Variants in INPP4B observed in about 807,000 individuals in gnomAD.
The protein encoded by INPP4B is inositol polyphosphate-4-phosphatase type II B, also known as inositol polyphosphate 4-phosphatase type II.
A neutral mutation model predicts 122.5 loss-of-function variants in INPP4B; 55 were observed. That is an observed-to-expected ratio of 0.45 (90% confidence interval 0.36 to 0.56). The LOEUF (loss-of-function observed/expected upper bound fraction) is 0.56, where lower values mean the gene tolerates loss of function less well. Among genes scored for constraint, INPP4B ranks in the 20% least tolerant of loss-of-function variants. INPP4B has a pLI of 0.00. For missense variants in INPP4B, 1,000 were observed against 1,097.7 expected (o/e 0.91, Z 1.26); for synonymous variants, 403 against 388.7 (o/e 1.04, Z -0.43).
At chr4:142,256,804 G>C (rs1302292763) in intron 11 of INPP4B, among the ~76,000 whole-genome samples, 1 of 152,164 alleles carries the variant, frequency 6.6e-6, no homozygotes, top group East Asian at 1.9e-4. Context: ...CATTCCTTCT[G>C]AAACTGTTCC....
chr4:142,635,198 T>TAA lies in INPP4B; in HGVS notation c.-191+90639_-191+90640dup, dbSNP rs529308852. On this transcript the variant is annotated intron_variant, in intron 2 of 25. Transcript: ENST00000262992. The stretch of plus-strand genomic sequence containing the variant: ...GTCAGAATGGCTATTATTAAAAAGT[T>TAA]AAAAAAATAACAGATGCTGGAGAGG... Among the ~76,000 whole-genome samples the TAA allele has an allele frequency of 2.7e-3, 403 of 152,046 alleles. 5 individuals are homozygous for TAA. Among genetic ancestry groups the TAA allele is most frequent in the East Asian group, 0.018 (93 of 5,156 alleles).
chr4:142,548,470 C>G (rs1406863780), intron 2 of INPP4B, among the ~76,000 whole-genome samples: 1 of 152,122 alleles, frequency 6.6e-6, no homozygotes, highest in Non-Finnish European at 1.5e-5. Flanking sequence ...AATTCGAGTG[C>G]TCTTGTCGTA....
rs537692939 is a variant in INPP4B at position 142,157,199 on chromosome 4, A to G, written c.1563+3159T>C. Among the ~76,000 whole-genome samples, 91 of 152,180 alleles carry G rather than the reference A, an allele frequency of 6.0e-4. No individual in the cohort carries two copies. In the South Asian group the frequency reaches 0.019, roughly 31 times the overall value. ...TCTAAAGGCATCTTCAATTAGCTAC[A>G]TTTTCTTTAGTTTTACTCAATTTAT... is the stretch of plus-strand genomic sequence containing the variant. On this transcript the variant is annotated intron_variant, in intron 17 of 25. Transcript: ENST00000262992.
At chr4:142,510,144 T>A (rs1464216310) in intron 2 of INPP4B, among the ~76,000 whole-genome samples, 1 of 152,192 alleles carries the variant, frequency 6.6e-6, no homozygotes, top group African/African-American at 2.4e-5. Context: ...AGAATCTAAT[T>A]AGATGTTTAA....
At chr4:142,081,361 T>A (rs986271285) in intron 25 of INPP4B, among the ~76,000 whole-genome samples, 1 of 152,186 alleles carries the variant, frequency 6.6e-6, no homozygotes, top group Non-Finnish European at 1.5e-5. Flanking sequence ...ATGAAGCACT[T>A]TTTCCTTCCC....
intron 25 of INPP4B, among the ~76,000 whole-genome samples, chr4:142,043,244 A>C (rs1045971312): frequency 3.5e-4 from 54 of 152,194 alleles, no homozygotes; most frequent in African/African-American, 1.3e-3. Context: ...AAATGATGCA[A>C]ATCATAGGAA....
chr4:142,024,173 A>G lies in INPP4B; in HGVS notation c.*4609T>C, dbSNP rs536069546. 19 of 152,256 alleles carry G rather than the reference A, an allele frequency of 1.2e-4. No homozygotes were observed. The highest frequency in any genetic ancestry group is 1.1e-3 in the Admixed American group (17 of 15,288). 9.4% of individuals were successfully genotyped at this position (152,256 alleles called of 1,614,324 possible). On this transcript the variant is annotated 3_prime_UTR_variant, in exon 26 of 26. Coordinates refer to ENST00000262992, the MANE Select transcript of INPP4B (RefSeq NM_001101669.3). ...TCTAAAACATTCATTTTATTTTCCA[A>G]TTCTTAAAGATAGTTTTTGCTATAG... is the stretch of plus-strand genomic sequence containing the variant.
At chr4:142,069,324 T>C (rs1282539045) in intron 25 of INPP4B, among the ~76,000 whole-genome samples, 1 of 152,152 alleles carries the variant, frequency 6.6e-6, no homozygotes, top group Non-Finnish European at 1.5e-5. Context: ...CTGGGACACA[T>C]TTAAAGCAGT....
chr4:142,252,231 C>T (rs1378920772), intron 11 of INPP4B, among the ~76,000 whole-genome samples: 1 of 147,028 alleles, frequency 6.8e-6, no homozygotes, highest in Non-Finnish European at 1.5e-5. Flanking sequence ...CTCTGTCGCC[C>T]AGGCTGGAGT....
At chr4:142,128,658 A>T (rs919348825) in intron 18 of INPP4B, among the ~76,000 whole-genome samples, 1 of 152,088 alleles carries the variant, frequency 6.6e-6, no homozygotes, top group African/African-American at 2.4e-5. Flanking sequence ...GCTTTTCCTG[A>T]GCTTTGTGAA....
chr4:142,049,488 G>A (rs911780115), intron 25 of INPP4B, among the ~76,000 whole-genome samples: 10 of 151,960 alleles, frequency 6.6e-5, no homozygotes, highest in Non-Finnish European at 1.2e-4. Context: ...GACTCAAGCT[G>A]AGAAATAGAA....
At chr4:142,519,960 A>G (rs1043667161) in intron 2 of INPP4B, among the ~76,000 whole-genome samples, 5 of 152,096 alleles carry the variant, frequency 3.3e-5, no homozygotes, top group Non-Finnish European at 5.9e-5. Flanking sequence ...TTCCAATACA[A>G]TAATGGTTTG....
intron 2 of INPP4B, among the ~76,000 whole-genome samples, chr4:142,689,934 A>G (rs1468393788): frequency 2.0e-5 from 3 of 152,206 alleles, no homozygotes; most frequent in Admixed American, 2.0e-4. Context: ...GACTTTCCTT[A>G]TCTTGCAACG....
chr4:142,136,986 TC>T (rs1480096310), intron 18 of INPP4B, among the ~76,000 whole-genome samples: 1 of 152,114 alleles, frequency 6.6e-6, no homozygotes, highest in African/African-American at 2.4e-5. Flanking sequence ...TTCAATGCCA[TC>T]CCCATCAAGA....
chr4:142,088,307 T>G (rs1314053238), intron 23 of INPP4B, among the ~76,000 whole-genome samples: 2 of 152,062 alleles, frequency 1.3e-5, no homozygotes, highest in African/African-American at 4.8e-5. Context: ...AAATAAGAAG[T>G]CAAGTCCACC....
At chr4:142,392,949 G>C (rs6820234) in intron 7 of INPP4B, among the ~76,000 whole-genome samples, 31,378 of 151,998 alleles carry the variant, frequency 0.21, 4,396 homozygotes, top group African/African-American at 0.4. Context: ...GGGTAAGGAG[G>C]ATACTCCAAA....
intron 2 of INPP4B, among the ~76,000 whole-genome samples, chr4:142,466,964 T>TG (rs2149641712): frequency 6.6e-6 from 1 of 152,330 alleles, no homozygotes; most frequent in African/African-American, 2.4e-5. Flanking sequence ...AGCCTGCAGG[T>TG]GCACAGAATG....
chr4:142,675,457 C>T (rs1757617873), intron 2 of INPP4B, among the ~76,000 whole-genome samples: 1 of 152,140 alleles, frequency 6.6e-6, no homozygotes, highest in Non-Finnish European at 1.5e-5. Context: ...TGAAACTATT[C>T]CAAACAACAG....
intron 5 of INPP4B, among the ~76,000 whole-genome samples, chr4:142,419,620 G>A (rs1389925873): frequency 6.6e-6 from 1 of 152,126 alleles, no homozygotes; most frequent in Non-Finnish European, 1.5e-5. Context: ...TACAAAACAG[G>A]AATAACATTG....
Sources: allele counts gnomAD v4.1 joint callset (sites outside exome capture counted in the v4.1 genomes callset), GRCh38; gene constraint gnomAD v4.1.1; transcripts MANE v1.5; gene names NCBI Gene and HGNC (gene_info 2026-07-23, HGNC 2026-07-21).